The following KDM2B variants were observed in gnomAD, a reference collection of about 807,000 sequenced individuals.
The protein encoded by KDM2B is lysine-specific demethylase 2B.
A neutral mutation model predicts 150.0 loss-of-function variants in KDM2B; 26 were observed. That is an observed-to-expected ratio of 0.17 (90% CI 0.13 to 0.24). The LOEUF is 0.24. KDM2B is among the 10% of genes least tolerant of loss of function. The pLI, the probability that KDM2B is intolerant of heterozygous loss-of-function variation, is 1.00. For missense variants in KDM2B, 1,265 were observed against 1,816.9 expected (o/e 0.70, Z 5.52); for synonymous variants, 734 against 729.5 (o/e 1.01, Z -0.10).
rs1885504089 is a variant in KDM2B at position 121,510,620 on chromosome 12, C to G, written c.1175-581G>C. On this transcript the variant is annotated intron_variant, in intron 10 of 22. Transcript: ENST00000377071. Reference sequence around the variant, plus strand: ...CCAGACTGAGAAACACAGTGAAACCCCATCTCTACAAAAAATACACAAATT... The same window carrying G: ...CCAGACTGAGAAACACAGTGAAACCGCATCTCTACAAAAAATACACAAATT... 1.3e-5 allele frequency among the ~76,000 whole-genome samples: 2 copies of G among 151,932 alleles called. 1 individual carries two copies. The highest frequency in any genetic ancestry group is 4.2e-4 in the South Asian group (2 of 4,812).
At chr12:121,559,260 G>A (rs1482741927) in intron 4 of KDM2B, among the ~76,000 whole-genome samples, 1 of 148,576 alleles carries the variant, frequency 6.7e-6, no homozygotes, top group Non-Finnish European at 1.5e-5. Context: ...GGGAGGCTTG[G>A]TTCTAAGAAG....
intron 4 of KDM2B, among the ~76,000 whole-genome samples, chr12:121,557,276 T>C (rs28618294): frequency 0.54 from 78,723 of 144,694 alleles, 23,386 homozygotes; most frequent in African/African-American, 0.78. Flanking sequence ...CTCACTCTGT[T>C]CCCCAGGATG....
intron 12 of KDM2B, among the ~76,000 whole-genome samples, chr12:121,460,411 G>A (rs1483357094): frequency 2.6e-5 from 4 of 152,194 alleles, no homozygotes; most frequent in African/African-American, 9.7e-5. Context: ...TGGCAGAGCT[G>A]TTTTTGAGAC....
At chr12:121,567,994 G>C (rs1174940554) in intron 4 of KDM2B, among the ~76,000 whole-genome samples, 1 of 152,084 alleles carries the variant, frequency 6.6e-6, no homozygotes, top group Non-Finnish European at 1.5e-5. Flanking sequence ...CTCCCAAAGT[G>C]CTGGGATTAC....
intron 11 of KDM2B, among the ~76,000 whole-genome samples, chr12:121,502,112 T>G (rs1555302098): frequency 6.6e-6 from 1 of 152,154 alleles, no homozygotes; most frequent in African/African-American, 2.4e-5. Context: ...GGCTCGCACA[T>G]TTGACCCTGC....
intron 6 of KDM2B, among the ~76,000 whole-genome samples, chr12:121,546,561 T>G (rs1251065920): frequency 3.4e-5 from 5 of 145,098 alleles, no homozygotes; most frequent in East Asian, 2.0e-4. Flanking sequence ...TTTTTTTTGG[T>G]TTTTTTTTTT....
chr12:121,554,471 C>T (rs924045115), intron 4 of KDM2B, among the ~76,000 whole-genome samples: 1 of 151,610 alleles, frequency 6.6e-6, no homozygotes, highest in Admixed American at 6.6e-5. Flanking sequence ...ATGGCGATGG[C>T]GCGATCTCGG....
chr12:121,542,264 A>G (rs1555309868), intron 6 of KDM2B, among the ~76,000 whole-genome samples: 3 of 152,194 alleles, frequency 2.0e-5, no homozygotes, highest in Admixed American at 6.5e-5. Flanking sequence ...CCATCTTGGA[A>G]GCGGATCTTC....
intron 17 of KDM2B, 70 bp downstream of exon 17, chr12:121,443,610 G>T: frequency 1.2e-6 from 1 of 867,586 alleles, no homozygotes; most frequent in East Asian, 2.4e-5. Flanking sequence ...GGACCAGCGG[G>T]GTGGGGTGGG....
rs377129620 is a variant in KDM2B at position 121,540,610 on chromosome 12, G to A, written c.684-6020C>T. Among the ~76,000 whole-genome samples the A allele has an allele frequency of 4.0e-5, 6 of 151,828 alleles. 1 individual carries two copies. The highest frequency in any genetic ancestry group is 4.2e-4 in the South Asian group (2 of 4,790). On this transcript the variant is annotated intron_variant, in intron 6 of 22. Coordinates refer to ENST00000377071, the MANE Select transcript of KDM2B (RefSeq NM_032590.5). ...CTGAAAAAATGCAAAAAAATTAGCC[G>A]GGTGTGGTGTTGCATGCCTGTAGTT... is the stretch of plus-strand genomic sequence containing the variant.
chr12:121,419,688 T>A, the KDM2B span, among the ~76,000 whole-genome samples: 1 of 152,234 alleles, frequency 6.6e-6, no homozygotes, highest in Non-Finnish European at 1.5e-5. Flanking sequence ...TGAAGAGATT[T>A]GTGTTTTCTA....
At chr12:121,566,995 C>T (rs1890750005) in intron 4 of KDM2B, among the ~76,000 whole-genome samples, 1 of 151,956 alleles carries the variant, frequency 6.6e-6, no homozygotes, top group African/African-American at 2.4e-5. Flanking sequence ...GATTCTCCTG[C>T]CTCAGCCTCC....
In KDM2B at chr12:121,441,249, G is replaced by A. The variant is rs782794593; in HGVS notation, c.3285-16C>T. 46 of 1,611,390 alleles carry A rather than the reference G, an allele frequency of 2.9e-5. No individual in the cohort carries two copies. Among genetic ancestry groups the A allele is most frequent in the East Asian group, 4.5e-5 (2 of 44,826 alleles). ...ATCGCAGCACCTGGGGACCGGCCCC[G>A]TGGGGACACATCGTCAGAGGTGGGG... On this transcript the variant is annotated splice_polypyrimidine_tract_variant and intron_variant, in intron 19 of 22. Coordinates refer to ENST00000377071, the MANE Select transcript of KDM2B (RefSeq NM_032590.5).
chr12:121,454,230 C>CCA (rs1231936693), intron 12 of KDM2B, among the ~76,000 whole-genome samples: 1 of 152,212 alleles, frequency 6.6e-6, no homozygotes, highest in Non-Finnish European at 1.5e-5. Context: ...GTCTTGTGCA[C>CCA]CACTGCACCT....
At chr12:121,554,460 G>C (rs536466862) in intron 4 of KDM2B, among the ~76,000 whole-genome samples, 1 of 151,158 alleles carries the variant, frequency 6.6e-6, no homozygotes, top group Non-Finnish European at 1.5e-5. Flanking sequence ...GCTGGAGTGC[G>C]ATGGCGATGG....
downstream of KDM2B, among the ~76,000 whole-genome samples, chr12:121,427,498 T>C (rs11065569): frequency 0.54 from 81,381 of 152,052 alleles, 22,090 homozygotes; most frequent in African/African-American, 0.61. Context: ...GCTGAGATCA[T>C]ACCACTGCAC....
chr12:121,443,597 G>A, intron 17 of KDM2B, 83 bp downstream of exon 17: 2 of 813,522 alleles, frequency 2.5e-6, no homozygotes, highest in Non-Finnish European at 4.3e-6. Context: ...GCAGTGGGGT[G>A]GAGGACCAGC....
At chr12:121,510,437 T>C (rs1885486580) in intron 10 of KDM2B, among the ~76,000 whole-genome samples, 1 of 152,170 alleles carries the variant, frequency 6.6e-6, no homozygotes, top group Non-Finnish European at 1.5e-5. Context: ...GCTTTTTTTG[T>C]AGAGATGAGG....
chr12:121,549,767 G>T lies in KDM2B; in HGVS notation c.398-129C>A. 2.6e-6 allele frequency: 2 copies of T among 774,890 alleles called. No homozygotes were observed. Among genetic ancestry groups the T allele is most frequent in the Non-Finnish European group, 3.9e-6 (2 of 510,592 alleles). The allele number at this position is 774,890 out of a possible 1,614,324, so 48.0% of individuals were successfully genotyped here. ...CAGTCCTCACCCCTCTTCCTCATCT[G>T]TTCAATTACCTCACCCCATCGGCTT... On this transcript the variant is annotated intron_variant, in intron 4 of 22. Coordinates refer to ENST00000377071, the MANE Select transcript of KDM2B (RefSeq NM_032590.5). The surrounding 1 kb of genome is among the most constrained non-coding windows in gnomAD (Gnocchi z 4.4).
Sources: gnomAD v4.1 joint callset for allele counts (sites outside exome capture counted in the v4.1 genomes callset) on GRCh38, gnomAD v4.1.1 for gene constraint, Gnocchi (gnomAD v3.1) non-coding constraint, MANE v1.5 for transcripts, NCBI Gene and HGNC (gene_info 2026-07-23, HGNC 2026-07-21) for gene names.